The following EYS variants were observed in gnomAD, a reference collection of about 807,000 sequenced individuals.
The protein encoded by EYS is EGF-like photoreceptor maintenance factor.
A neutral mutation model predicts 282.1 loss-of-function variants in EYS; 250 were observed. The ratio of observed to expected loss-of-function variants is 0.89; its 90% CI spans 0.80 to 0.98. The LOEUF is 0.98. Among genes scored for constraint, EYS ranks in the 50% least tolerant of loss-of-function variants. The pLI is 0.00. For missense variants in EYS, 4,016 were observed against 3,709.0 expected (o/e 1.08, Z -2.15); for synonymous variants, 1,355 against 1,282.9 (o/e 1.06, Z -1.20).
At chr6:64,122,455 T>A (rs1276785250) in intron 31 of EYS, among the ~76,000 whole-genome samples, 1 of 152,106 alleles carries the variant, frequency 6.6e-6, no homozygotes, top group Non-Finnish European at 1.5e-5. Context: ...TGAATAAATA[T>A]ACCTAATACG....
intron 11 of EYS, among the ~76,000 whole-genome samples, chr6:65,328,035 C>G (rs1769673368): frequency 6.6e-6 from 1 of 151,310 alleles, no homozygotes; most frequent in African/African-American, 2.4e-5. Flanking sequence ...AAATTCAGAT[C>G]TAGGCTTAGA....
chr6:64,045,383 GTTTA>G (rs917565119), intron 33 of EYS, among the ~76,000 whole-genome samples: 5 of 137,514 alleles, frequency 3.6e-5, no homozygotes, highest in Non-Finnish European at 6.2e-5. Context: ...GGTGAAACAA[GTTTA>G]TTTTATTTTA....
intron 12 of EYS, among the ~76,000 whole-genome samples, chr6:65,150,193 T>A (rs1292076237): frequency 6.6e-6 from 1 of 152,092 alleles, no homozygotes; most frequent in South Asian, 2.1e-4. Flanking sequence ...GGGGAAATAG[T>A]GTGAACACTT....
chr6:65,212,660 C>G (rs1021573651), intron 12 of EYS, among the ~76,000 whole-genome samples: 1 of 152,008 alleles, frequency 6.6e-6, no homozygotes, highest in African/African-American at 2.4e-5. Context: ...ACATTGATTA[C>G]TACAGAAAGA....
chr6:64,441,148 G>T (rs1019586927), intron 26 of EYS, among the ~76,000 whole-genome samples: 1 of 152,156 alleles, frequency 6.6e-6, no homozygotes, highest in Non-Finnish European at 1.5e-5. Flanking sequence ...ACAAGACTAC[G>T]TTGAAGATGA....
intron 16 of EYS, among the ~76,000 whole-genome samples, chr6:64,907,588 G>C (rs1250213582): frequency 6.6e-6 from 1 of 152,132 alleles, no homozygotes; most frequent in African/African-American, 2.4e-5. Context: ...GTTCTGCCAG[G>C]ATTCCTTCCC....
chr6:64,928,603 C>A (rs1328713366), intron 15 of EYS, among the ~76,000 whole-genome samples: 1 of 152,156 alleles, frequency 6.6e-6, no homozygotes, highest in Middle Eastern at 3.4e-3. Context: ...TTAAATTTTA[C>A]AGTTTCTAGT....
intron 29 of EYS, among the ~76,000 whole-genome samples, chr6:64,336,299 A>C (rs1471903455): frequency 6.6e-6 from 1 of 152,130 alleles, no homozygotes; most frequent in East Asian, 1.9e-4. Context: ...AATTTCATGC[A>C]AATAGACGCC....
chr6:65,674,135 C>A (rs1316988967), intron 1 of EYS, among the ~76,000 whole-genome samples: 1 of 151,528 alleles, frequency 6.6e-6, no homozygotes, highest in Non-Finnish European at 1.5e-5. Flanking sequence ...TGAAGAAAGC[C>A]TAAAAGACTG....
At chr6:63,882,944 T>C (rs1345702812) in intron 35 of EYS, among the ~76,000 whole-genome samples, 3 of 152,176 alleles carry the variant, frequency 2.0e-5, no homozygotes, top group Non-Finnish European at 2.9e-5. Flanking sequence ...GGCTAGATCA[T>C]GTAGGATGTC....
chr6:65,051,524 G>A (rs1773267434), intron 13 of EYS, among the ~76,000 whole-genome samples: 1 of 151,578 alleles, frequency 6.6e-6, no homozygotes, highest in South Asian at 2.1e-4. Flanking sequence ...ATGAACACAT[G>A]TATTACCTCA....
rs142187896 is a variant in EYS, at chr6:64,591,746, C to T, written c.4121G>A (p.Arg1374Gln). 115 of 1,551,274 alleles carry T rather than the reference C, an allele frequency of 7.4e-5. No homozygotes were observed. The African/African-American group carries it at 1.1e-3, about 14-fold the overall frequency. Reference sequence around the variant, plus strand: ...GAAACCTAGTGTGGCTGCTGAAGTTCGAATAGGCATATGTGATACCGATGT... The same window carrying T: ...GAAACCTAGTGTGGCTGCTGAAGTTTGAATAGGCATATGTGATACCGATGT... ...DKTSVSHMPI[R>Q]TSAATLGFFF... The change falls in exon 26 of 43, where the codon CGA becomes CAA. Residue 1374 changes from arginine (R) to glutamine (Q), a missense_variant. Transcript: ENST00000503581.
chr6:64,050,396 C>A (rs1031650206), intron 33 of EYS, among the ~76,000 whole-genome samples: 3 of 152,124 alleles, frequency 2.0e-5, no homozygotes, highest in African/African-American at 7.2e-5. Flanking sequence ...TTCATAATGT[C>A]AGAAACACAT....
chr6:64,596,767 C>G (rs895003891), intron 24 of EYS, among the ~76,000 whole-genome samples: 1 of 152,004 alleles, frequency 6.6e-6, no homozygotes, highest in African/African-American at 2.4e-5. Flanking sequence ...TAGAAGAAAA[C>G]AGAGTAAATG....
chr6:64,728,537 G>T (rs970900673), intron 22 of EYS, among the ~76,000 whole-genome samples: 15 of 152,036 alleles, frequency 9.9e-5, no homozygotes, highest in African/African-American at 2.2e-4. Flanking sequence ...GGGTTTCACC[G>T]CATTATCCAG....
At chr6:63,972,901 T>A (rs562525593) in intron 35 of EYS, among the ~76,000 whole-genome samples, 49 of 152,238 alleles carry the variant, frequency 3.2e-4, no homozygotes, top group African/African-American at 1.2e-3. Flanking sequence ...TATTCCATGG[T>A]GTATATGTGC....
rs185486195 is a variant in EYS at position 64,883,339 on chromosome 6, G to T, written c.2992+3358C>A. ...AAACATAATTATATTTTATTATTCT[G>T]AACTATTGAATTGTATATGTTTTCT... On this transcript the variant is annotated intron_variant, in intron 19 of 42. Transcript: ENST00000503581. Among the ~76,000 whole-genome samples, 11 of 151,464 alleles carry T rather than the reference G, an allele frequency of 7.3e-5. No homozygotes were observed. The East Asian group carries it at 2.1e-3, about 29-fold the overall frequency.
intron 5 of EYS, among the ~76,000 whole-genome samples, chr6:65,474,303 T>C (rs1765323244): frequency 6.6e-6 from 1 of 152,092 alleles, no homozygotes. Context: ...TATGATTCTG[T>C]AACAAACTGC....
intron 35 of EYS, among the ~76,000 whole-genome samples, chr6:63,873,231 CTA>C (rs1772863426): frequency 6.6e-6 from 1 of 150,642 alleles, no homozygotes; most frequent in South Asian, 2.1e-4. Context: ...TAATTCCCAC[CTA>C]TGAGTGAGAA....
Sources: allele counts gnomAD v4.1 joint callset (sites outside exome capture counted in the v4.1 genomes callset), GRCh38; gene constraint gnomAD v4.1.1; transcripts MANE v1.5; gene names NCBI Gene and HGNC (gene_info 2026-07-23, HGNC 2026-07-21).